ZFHX4: variants seen among roughly 807,000 people sequenced by gnomAD.
ZFHX4 encodes zinc finger homeobox 4, also known as zinc finger homeobox protein 4.
Under a neutral mutation model 267.6 loss-of-function variants are expected in ZFHX4, and 56 were observed. The observed-to-expected ratio is 0.21, with a 90% CI of 0.17 to 0.26. The LOEUF (loss-of-function observed/expected upper bound fraction) is 0.26. Ranked by LOEUF, ZFHX4 falls within the 10% of genes least tolerant of loss-of-function variation. The pLI is 1.00. For synonymous variants in ZFHX4, 1,778 were observed against 1,665.6 expected (o/e 1.07, Z -1.64); for missense variants, 4,332 against 4,420.0 (o/e 0.98, Z 0.56).
At position 76,831,230 on chromosome 8, in the gene ZFHX4, T is replaced by C. The variant is rs556035785; in HGVS notation, c.3326-2108T>C. Among the ~76,000 whole-genome samples the C allele has an allele frequency of 2.0e-5, 3 of 152,320 alleles. No homozygotes were observed. The East Asian group carries it at 5.8e-4, about 29-fold the overall frequency. ...TTTATTTTCATTAATCTTTAAGGAA[T>C]AGCAGTTATTTGGTCAAAGTCACCT... On this transcript the variant is annotated intron_variant, in intron 4 of 10. Transcript: ENST00000651372.
At chr8:76,737,413 C>G (rs73356747) in intron 3 of ZFHX4, among the ~76,000 whole-genome samples, 1 of 152,092 alleles carries the variant, frequency 6.6e-6, no homozygotes, top group Admixed American at 6.6e-5. Context: ...AAACAATTAC[C>G]TGTATAGACT....
intron 5 of ZFHX4, among the ~76,000 whole-genome samples, chr8:76,840,381 A>G (rs1048840272): frequency 6.6e-6 from 1 of 152,138 alleles, no homozygotes; most frequent in Admixed American, 6.6e-5. Flanking sequence ...TCACATTCAG[A>G]TTTCTCAAAC....
Position 76,853,283 on chromosome 8 carries a change from C to A in ZFHX4, c.6362C>A (p.Pro2121His). ...TGCCAGCAGCAGCTCGGATTAGATC[C>A]CAACTTCTTAAGACATTCTCAGTTC... ...QLCQQQLGLD[P>H]NFLRHSQFKR... is the part of the protein sequence containing the mutation. The change falls in exon 10 of 11, where the codon CCC (proline) becomes CAC (histidine). Residue 2121 changes from proline (P) to histidine (H), a missense_variant. By Grantham distance (77) the Pro-to-His change is moderately conservative. Coordinates refer to ENST00000651372, the MANE Select transcript of ZFHX4 (RefSeq NM_024721.5). 1 of 1,606,084 alleles carries A rather than the reference C, an allele frequency of 6.2e-7. No homozygotes were observed. The highest frequency in any genetic ancestry group is 1.1e-5 in the South Asian group (1 of 89,818).
At chr8:76,813,940 T>C (rs1288751519) in intron 4 of ZFHX4, among the ~76,000 whole-genome samples, 1 of 152,232 alleles carries the variant, frequency 6.6e-6, no homozygotes, top group African/African-American at 2.4e-5. Flanking sequence ...TGCAATCTTT[T>C]TTTTTCTTTA....
intron 3 of ZFHX4, among the ~76,000 whole-genome samples, chr8:76,729,011 T>TA (rs1808929677): frequency 6.6e-6 from 1 of 152,240 alleles, no homozygotes; most frequent in Non-Finnish European, 1.5e-5. Context: ...AGGTCAAAGA[T>TA]AATTTAATGC....
chr8:76,856,137 C>T lies in ZFHX4; in HGVS notation c.9216C>T (p.Asp3072=), dbSNP rs1347856656. 5.6e-6 allele frequency: 9 copies of T among 1,613,860 alleles called. No individual in the cohort carries two copies. Among genetic ancestry groups the T allele is most frequent in the Non-Finnish European group, 7.6e-6 (9 of 1,179,878 alleles). The change falls in exon 10 of 11, where the codon GAC becomes GAT. Residue 3072 remains aspartate (D), a synonymous_variant. Transcript: ENST00000651372. The stretch of plus-strand genomic sequence containing the variant: ...TTGATCGTATAAAGAAAGCTTCAGA[C>T]GTGCTGGGCTTGACGGTACAGCAGC... ...QELDRIKKAS[D]VLGLTVQQPG... is the part of the protein sequence containing the mutation.
chr8:76,767,773 C>G (rs184489211), intron 3 of ZFHX4, among the ~76,000 whole-genome samples: 1 of 152,226 alleles, frequency 6.6e-6, no homozygotes, highest in African/African-American at 2.4e-5. Context: ...TAGTATGTTT[C>G]CTGTCATTAA....
chr8:76,846,930 G>A (rs764030124), intron 6 of ZFHX4, among the ~76,000 whole-genome samples: 29 of 152,070 alleles, frequency 1.9e-4, no homozygotes, highest in Non-Finnish European at 3.1e-4. Flanking sequence ...GACCTGGATC[G>A]ACTTATTGGT....
In ZFHX4 at chr8:76,854,099, C is replaced by T. The variant is rs1313879608; in HGVS notation, c.7178C>T (p.Pro2393Leu). 6.2e-7 allele frequency: 1 copy of T among 1,613,888 alleles called. No individual in the cohort carries two copies. Among genetic ancestry groups the T allele is most frequent in the South Asian group, 1.1e-5 (1 of 91,080 alleles). ...TCTGGGACCAGCACCCCCCTGATTCCATCACCCAAACCAGAACCTGAGAAG... is the reference window on the plus strand; with the variant it reads ...TCTGGGACCAGCACCCCCCTGATTCTATCACCCAAACCAGAACCTGAGAAG... ...SGSGTSTPLI[P>L]SPKPEPEKTS... The change falls in exon 10 of 11, where the codon CCA (proline) becomes CTA (leucine). Residue 2393 changes from proline (P) to leucine (L), a missense_variant. Transcript: ENST00000651372.
chr8:76,682,277 TC>T (rs1254702378), intron 1 of ZFHX4, among the ~76,000 whole-genome samples: 1 of 152,084 alleles, frequency 6.6e-6, no homozygotes, highest in Non-Finnish European at 1.5e-5. Context: ...TTTTTCTTCC[TC>T]CTTTTACCAC....
Position 76,743,957 on chromosome 8 carries a change from T to C in ZFHX4, c.3094-34251T>C, listed in dbSNP as rs576090932. Among the ~76,000 whole-genome samples the C allele has an allele frequency of 2.1e-4, 32 of 152,334 alleles. 1 individual carries two copies. The South Asian group carries it at 5.6e-3, about 27-fold the overall frequency. On this transcript the variant is annotated intron_variant, in intron 3 of 10. Coordinates refer to ENST00000651372, the MANE Select transcript of ZFHX4 (RefSeq NM_024721.5). ...CCTATTTTAAATATTGCAGTATTGA[T>C]TGAATATAGCTTAACCACTTCATTG...
At position 76,855,516 on chromosome 8, in the gene ZFHX4, C is replaced by T; in HGVS notation, c.8595C>T (p.Leu2865=). ...PTTEVCDDKF[L]FSLTSPSIHF... ...CGGAGGTCTGCGATGACAAATTTCT[C>T]TTTTCTCTCACAAGCCCATCCATCC... Residue 2865 remains leucine (L), a synonymous_variant, in exon 10 of 11, where the codon CTC becomes CTT. Transcript: ENST00000651372. 2.5e-6 allele frequency: 4 copies of T among 1,613,850 alleles called. No individual in the cohort carries two copies. Among genetic ancestry groups the T allele is most frequent in the Non-Finnish European group, 3.4e-6 (4 of 1,179,870 alleles).
intron 3 of ZFHX4, among the ~76,000 whole-genome samples, chr8:76,710,880 G>C (rs1320994702): frequency 6.6e-6 from 1 of 152,102 alleles, no homozygotes; most frequent in Non-Finnish European, 1.5e-5. Flanking sequence ...CATCTGCCTG[G>C]CTGCTTGACT....
At chr8:76,693,407 T>C (rs933890533) in intron 1 of ZFHX4, 2 of 152,170 alleles carry the variant, frequency 1.3e-5, no homozygotes, top group Non-Finnish European at 2.9e-5. Flanking sequence ...AGAAGGGATA[T>C]AGCACAATCC....
Position 76,705,835 on chromosome 8 carries a change from G to C in ZFHX4, c.1747G>C (p.Asp583His). ...AAGTGAAATAGCCCGGGGAGACGAAGACAGTTCAGCCACTCCTCACCAGCA... is the reference window on the plus strand; with the variant it reads ...AAGTGAAATAGCCCGGGGAGACGAACACAGTTCAGCCACTCCTCACCAGCA... ...HPSEIARGDE[D>H]SSATPHQHGF... Residue 583 changes from aspartate (D) to histidine (H), a missense_variant, in exon 2 of 11, where the codon GAC becomes CAC. This residue lies in a region of ZFHX4 where 1,195 missense variants were observed against 1,173.6 expected (regional missense o/e 1.02). Coordinates refer to ENST00000651372, the MANE Select transcript of ZFHX4 (RefSeq NM_024721.5). The C allele has an allele frequency of 6.2e-7, 1 of 1,613,928 alleles. No individual in the cohort carries two copies.
At chr8:76,859,020 C>T (rs1812802712) in intron 10 of ZFHX4, among the ~76,000 whole-genome samples, 1 of 152,158 alleles carries the variant, frequency 6.6e-6, no homozygotes, top group Non-Finnish European at 1.5e-5. Flanking sequence ...TAAGAGTTTA[C>T]TCAAAGGCTA....
intron 6 of ZFHX4, among the ~76,000 whole-genome samples, chr8:76,843,345 G>T (rs904881914): frequency 1.3e-5 from 2 of 152,106 alleles, no homozygotes; most frequent in Admixed American, 1.3e-4. Flanking sequence ...CTAAGAAAGA[G>T]GAAATATCAT....
chr8:76,774,709 C>G (rs757781062), intron 3 of ZFHX4, among the ~76,000 whole-genome samples: 2 of 151,990 alleles, frequency 1.3e-5, no homozygotes, highest in Non-Finnish European at 2.9e-5. Flanking sequence ...CCTGACTTTA[C>G]ATACATAATT....
intron 4 of ZFHX4, among the ~76,000 whole-genome samples, chr8:76,779,270 T>C (rs1259015124): frequency 6.6e-6 from 1 of 152,214 alleles, no homozygotes; most frequent in African/African-American, 2.4e-5. Context: ...TTTCCCTTTT[T>C]TTTCTTCCTT....
Sources: gnomAD v4.1 joint callset for allele counts (sites outside exome capture counted in the v4.1 genomes callset) on GRCh38, gnomAD v4.1.1 for gene constraint, gnomAD v4.1.1 regional missense constraint, MANE v1.5 for transcripts, NCBI Gene and HGNC (gene_info 2026-07-23, HGNC 2026-07-21) for gene names.